PIGK: variants seen among roughly 807,000 people sequenced by gnomAD.
The protein encoded by PIGK is phosphatidylinositol glycan anchor biosynthesis class K.
Under a neutral mutation model 50.6 loss-of-function variants are expected in PIGK, and 42 were observed. The ratio of observed to expected loss-of-function variants is 0.83; its 90% confidence interval spans 0.65 to 1.07. The LOEUF (loss-of-function observed/expected upper bound fraction) is 1.07, where lower values mean the gene tolerates loss of function less well. Ranked by LOEUF, PIGK falls within the 50% of genes least tolerant of loss-of-function variation. The pLI, the probability that PIGK is intolerant of heterozygous loss-of-function variation, is 0.00. For missense variants in PIGK, 448 were observed against 488.7 expected, an observed-to-expected ratio of 0.92 and a Z score of 0.78; for synonymous variants, 151 against 156.0, an observed-to-expected ratio of 0.97 and a Z score of 0.24.
chr1:77,204,268 C>A (rs557658990), intron 3 of PIGK, among the ~76,000 whole-genome samples: 1 of 152,200 alleles, frequency 6.6e-6, no homozygotes, highest in Non-Finnish European at 1.5e-5. Context: ...ATGAAATAAG[C>A]CCAGTCTCCT....
At chr1:77,169,849 T>C (rs1252494148) in intron 3 of PIGK, among the ~76,000 whole-genome samples, 3 of 152,240 alleles carry the variant, frequency 2.0e-5, no homozygotes, top group African/African-American at 7.2e-5. Context: ...CGTTAAACTA[T>C]GATGTCCCAA....
At chr1:77,154,253 G>A (rs1248875443) in intron 9 of PIGK, 196 bp downstream of exon 9, 1 of 548,618 alleles carries the variant, frequency 1.8e-6, no homozygotes, top group Non-Finnish European at 3.2e-6. Flanking sequence ...TCCTAACGAT[G>A]ATCTTAGTTT....
At chr1:77,219,257 T>G in intron 1 of PIGK, 53 bp downstream of exon 1, 1 of 1,433,824 alleles carries the variant, frequency 7.0e-7, no homozygotes. Flanking sequence ...GGACATCTGC[T>G]GGAGGGCTCA....
In PIGK at chr1:77,117,257, A is replaced by G. The variant is rs79871215; in HGVS notation, c.1071+5018T>C. Among the ~76,000 whole-genome samples, 32 of 152,350 alleles carry G rather than the reference A, an allele frequency of 2.1e-4. No homozygotes were observed. In the South Asian group the frequency reaches 6.6e-3, roughly 32 times the overall value. On this transcript the variant is annotated intron_variant, in intron 10 of 10. Coordinates refer to ENST00000370812, the MANE Select transcript of PIGK (RefSeq NM_005482.3). ...TTTGGTTTGCTCTTTCATTTAATGA[A>G]TCATATCTCAAGTAGCTTCTTGACA...
intron 3 of PIGK, 49 bp downstream of exon 3, chr1:77,206,591 G>C (rs1656291548): frequency 1.1e-6 from 1 of 936,312 alleles, no homozygotes; most frequent in African/African-American, 1.7e-5. Context: ...AATTATCTAA[G>C]GGTTATTTTC....
intron 3 of PIGK, among the ~76,000 whole-genome samples, chr1:77,181,064 T>C (rs1655603521): frequency 6.6e-6 from 1 of 152,224 alleles, no homozygotes; most frequent in Non-Finnish European, 1.5e-5. Flanking sequence ...TATATAGATA[T>C]TTTTAAGATC....
Position 77,181,298 on chromosome 1 carries a change from G to A in PIGK, c.240-11903C>T, listed in dbSNP as rs141554164. 2.2e-4 allele frequency among the ~76,000 whole-genome samples: 33 copies of A among 152,018 alleles called. No homozygotes were observed. In the East Asian group the frequency reaches 3.7e-3, roughly 17 times the overall value. On this transcript the variant is annotated intron_variant, in intron 3 of 10. Transcript: ENST00000370812. ...GCAGCCCAATCAGGAACTAGTGACCGGTAGGTAAAAAAAATATACATATTT... is the reference window on the plus strand; with the variant it reads ...GCAGCCCAATCAGGAACTAGTGACCAGTAGGTAAAAAAAATATACATATTT...
intron 8 of PIGK, among the ~76,000 whole-genome samples, chr1:77,158,327 T>TC (rs35111233): frequency 3.9e-5 from 4 of 103,770 alleles, no homozygotes; most frequent in Non-Finnish European, 7.1e-5. Context: ...TAAATCTCTC[T>TC]TTTTTTTTTT....
chr1:77,217,682 T>C (rs1350525508), intron 1 of PIGK, among the ~76,000 whole-genome samples: 2 of 152,224 alleles, frequency 1.3e-5, no homozygotes, highest in Non-Finnish European at 1.5e-5. Flanking sequence ...CTGTTGCTCC[T>C]ATCTCTAAGT....
intron 1 of PIGK, among the ~76,000 whole-genome samples, chr1:77,218,148 G>A (rs1364439046): frequency 6.6e-6 from 1 of 152,162 alleles, no homozygotes; most frequent in Non-Finnish European, 1.5e-5. Context: ...AGGTGGTGGG[G>A]AGAAGAGGTT....
At chr1:77,140,360 A>G (rs1456193292) in intron 9 of PIGK, among the ~76,000 whole-genome samples, 1 of 148,048 alleles carries the variant, frequency 6.8e-6, no homozygotes, top group Non-Finnish European at 1.5e-5. Flanking sequence ...GCTCACTTAC[A>G]CTTGCTCCGG....
intron 8 of PIGK, among the ~76,000 whole-genome samples, chr1:77,158,061 G>A (rs2100553507): frequency 6.6e-6 from 1 of 152,308 alleles, no homozygotes; most frequent in African/African-American, 2.4e-5. Flanking sequence ...CTGTCACCCA[G>A]GCTGGAGTGC....
At chr1:77,107,395 A>G (rs1167429293) in intron 10 of PIGK, among the ~76,000 whole-genome samples, 10 of 152,070 alleles carry the variant, frequency 6.6e-5, no homozygotes, top group Non-Finnish European at 8.8e-5. Flanking sequence ...GTAGTTGAGC[A>G]GTTTTCAGTG....
chr1:77,182,911 A>T (rs1332258758), intron 3 of PIGK, among the ~76,000 whole-genome samples: 1 of 152,234 alleles, frequency 6.6e-6, no homozygotes, highest in Non-Finnish European at 1.5e-5. Flanking sequence ...ACCAAGGAAC[A>T]TAATGAAGCT....
intron 10 of PIGK, among the ~76,000 whole-genome samples, chr1:77,102,841 C>T (rs963989111): frequency 3.3e-5 from 5 of 152,006 alleles, no homozygotes; most frequent in Non-Finnish European, 4.4e-5. Flanking sequence ...TACAAAGAAG[C>T]TTTTTTTGTT....
At chr1:77,164,511 G>A (rs747941286) in intron 5 of PIGK, among the ~76,000 whole-genome samples, 22 of 152,016 alleles carry the variant, frequency 1.4e-4, no homozygotes, top group Non-Finnish European at 2.8e-4. Context: ...CTTTGCACAG[G>A]TTTTTAAAAG....
rs774100369 is a variant in PIGK, at chr1:77,169,225, C to A, written c.375+35G>T. The A allele has an allele frequency of 7.3e-6, 10 of 1,372,210 alleles. No individual in the cohort carries two copies. In the South Asian group the frequency reaches 1.3e-4, roughly 18 times the overall value. 85.0% of individuals were successfully genotyped at this position (1,372,210 alleles called of 1,614,324 possible). A position where few individuals can be genotyped will look rare whatever the true frequency, so the allele number is the denominator to read the frequency against. ...GTTTTAGAGCCTAAAAGTAACAATG[C>A]CATTTTAAAAATGTGGCTAGATTAA... On this transcript the variant is annotated intron_variant, in intron 4 of 10. Coordinates refer to ENST00000370812, the MANE Select transcript of PIGK (RefSeq NM_005482.3).
Position 77,091,734 on chromosome 1 carries a change from TC to T in PIGK, c.*639del, listed in dbSNP as rs1441344271. ...TTGCTTTTAATTAAAGCTGCAGGAT[TC>T]CATGAGTGACCAGCAGTAAAATATT... On this transcript the variant is annotated 3_prime_UTR_variant, in exon 11 of 11. Transcript: ENST00000370812. The T allele has an allele frequency of 1.3e-5, 2 of 152,170 alleles. No homozygotes were observed. The highest frequency in any genetic ancestry group is 2.9e-5 in the Non-Finnish European group (2 of 68,016). The allele number at this position is 152,170 out of a possible 1,614,324, so 9.4% of individuals were successfully genotyped here. A position where few individuals can be genotyped will look rare whatever the true frequency, so the allele number is the denominator to read the frequency against.
chr1:77,130,362 A>C (rs1031292540), intron 9 of PIGK, among the ~76,000 whole-genome samples: 11 of 125,380 alleles, frequency 8.8e-5, no homozygotes, highest in Non-Finnish European at 1.3e-4. Flanking sequence ...TTCTTTTTGC[A>C]TTTTTATCTT....
Sources: allele counts gnomAD v4.1 joint callset (sites outside exome capture counted in the v4.1 genomes callset), GRCh38; gene constraint gnomAD v4.1.1; transcripts MANE v1.5; gene names NCBI Gene and HGNC (gene_info 2026-07-23, HGNC 2026-07-21).